Variants in RGS7 observed in about 807,000 individuals in gnomAD.
The protein encoded by RGS7 is regulator of G protein signaling 7.
Under a neutral mutation model 81.1 loss-of-function variants are expected in RGS7, and 27 were observed. The observed-to-expected ratio is 0.33, with a 90% CI of 0.25 to 0.46. The LOEUF (loss-of-function observed/expected upper bound fraction) is 0.46. RGS7 is among the 20% of genes least tolerant of loss of function. The pLI, the probability that RGS7 is intolerant of heterozygous loss-of-function variation, is 1.00. For missense variants in RGS7, 396 were observed against 607.4 expected, an observed-to-expected ratio of 0.65 and a Z score of 3.66; for synonymous variants, 208 against 207.7, an observed-to-expected ratio of 1.00 and a Z score of -0.01.
intron 2 of RGS7, among the ~76,000 whole-genome samples, chr1:241,204,378 G>T (rs2073735327): frequency 1.3e-5 from 2 of 152,186 alleles, no homozygotes; most frequent in Non-Finnish European, 2.9e-5. Context: ...GCTGCAGGGG[G>T]TGGATAGATA....
intron 9 of RGS7, among the ~76,000 whole-genome samples, chr1:240,852,064 C>A (rs959736898): frequency 1.3e-5 from 2 of 152,076 alleles, no homozygotes; most frequent in Admixed American, 6.5e-5. Flanking sequence ...AGTTCTACTG[C>A]GGGTAAAATG....
chr1:240,840,261 G>A (rs1472676574), intron 9 of RGS7, among the ~76,000 whole-genome samples: 4 of 151,822 alleles, frequency 2.6e-5, no homozygotes, highest in Admixed American at 2.0e-4. Context: ...GCTCTACGAG[G>A]TGTTACACTT....
chr1:241,190,036 G>C (rs2072500334), intron 2 of RGS7, among the ~76,000 whole-genome samples: 1 of 152,040 alleles, frequency 6.6e-6, no homozygotes, highest in South Asian at 2.1e-4. Flanking sequence ...CTGGGAGGCG[G>C]AGCTTGCAGT....
At chr1:241,079,477 G>T (rs1434323757) in intron 3 of RGS7, among the ~76,000 whole-genome samples, 2 of 152,116 alleles carry the variant, frequency 1.3e-5, no homozygotes, top group African/African-American at 4.8e-5. Flanking sequence ...CTAGGAAAAT[G>T]CAAGAAAAGG....
chr1:241,066,410 A>G (rs541242268), intron 3 of RGS7, among the ~76,000 whole-genome samples: 33 of 152,336 alleles, frequency 2.2e-4, no homozygotes, highest in African/African-American at 7.7e-4. Flanking sequence ...ACAAATAAAG[A>G]AACTATAGTC....
chr1:241,147,780 TTA>T (rs200770896), intron 2 of RGS7, among the ~76,000 whole-genome samples: 1,262 of 44,582 alleles, frequency 0.028, 24 homozygotes, highest in Middle Eastern at 0.11. Context: ...AGATTAAGTT[TTA>T]TATATATATA....
At chr1:241,149,789 A>G (rs1334238333) in intron 2 of RGS7, among the ~76,000 whole-genome samples, 1 of 151,682 alleles carries the variant, frequency 6.6e-6, no homozygotes. Flanking sequence ...TTATTTTTAT[A>G]TTTTGAGATG....
At chr1:241,110,463 C>T (rs2102947697) in intron 2 of RGS7, among the ~76,000 whole-genome samples, 1 of 152,080 alleles carries the variant, frequency 6.6e-6, no homozygotes, top group Non-Finnish European at 1.5e-5. Context: ...AATAAATGAA[C>T]AATGATATTT....
intron 2 of RGS7, among the ~76,000 whole-genome samples, chr1:241,140,129 C>T (rs1018957520): frequency 3.9e-5 from 6 of 152,300 alleles, no homozygotes; most frequent in Non-Finnish European, 5.9e-5. Flanking sequence ...TGTCTGGCTT[C>T]GGATGGAGAC....
At chr1:241,041,184 T>C (rs1434504318) in intron 3 of RGS7, among the ~76,000 whole-genome samples, 3 of 152,222 alleles carry the variant, frequency 2.0e-5, no homozygotes, top group Non-Finnish European at 2.9e-5. Flanking sequence ...GAGATATTGA[T>C]AAGCGGCTTA....
At chr1:241,345,888 C>T (rs530507034) in intron 2 of RGS7, among the ~76,000 whole-genome samples, 16 of 147,738 alleles carry the variant, frequency 1.1e-4, no homozygotes, top group African/African-American at 3.5e-4. Flanking sequence ...TGGTGGTGCG[C>T]GCCTGTAACC....
At chr1:241,024,137 G>A (rs150469709) in intron 3 of RGS7, among the ~76,000 whole-genome samples, 1 of 152,324 alleles carries the variant, frequency 6.6e-6, no homozygotes, top group East Asian at 1.9e-4. Context: ...TGTAACCCAG[G>A]CCACCTAGCT....
At chr1:241,226,809 T>C (rs2075335405) in intron 2 of RGS7, among the ~76,000 whole-genome samples, 1 of 152,238 alleles carries the variant, frequency 6.6e-6, no homozygotes. Flanking sequence ...ATTCTTTATG[T>C]TATCAAATTA....
At chr1:241,327,470 G>T (rs2081670989) in intron 2 of RGS7, among the ~76,000 whole-genome samples, 1 of 152,174 alleles carries the variant, frequency 6.6e-6, no homozygotes, top group South Asian at 2.1e-4. Context: ...AAAGCCAACA[G>T]CATAAGTTTT....
intron 3 of RGS7, among the ~76,000 whole-genome samples, chr1:240,996,204 C>A (rs1687262401): frequency 6.6e-6 from 1 of 151,962 alleles, no homozygotes; most frequent in Non-Finnish European, 1.5e-5. Flanking sequence ...TGTTTAATGG[C>A]CCAAAATATG....
At chr1:240,996,527 T>G (rs1298142838) in intron 3 of RGS7, among the ~76,000 whole-genome samples, 1 of 152,192 alleles carries the variant, frequency 6.6e-6, no homozygotes, top group African/African-American at 2.4e-5. Flanking sequence ...CTTGGAAAAA[T>G]GAGCTCCTCA....
At chr1:241,133,172 T>G (rs574071253) in intron 2 of RGS7, among the ~76,000 whole-genome samples, 1 of 152,292 alleles carries the variant, frequency 6.6e-6, no homozygotes, top group Non-Finnish European at 1.5e-5. Context: ...GAAATGCTTT[T>G]TATTTACATT....
chr1:240,817,213 G>A (rs1386843739), intron 10 of RGS7, among the ~76,000 whole-genome samples: 1 of 152,138 alleles, frequency 6.6e-6, no homozygotes, highest in Non-Finnish European at 1.5e-5. Flanking sequence ...CAAGGAAGAA[G>A]CCAAATTATT....
chr1:241,296,849 G>C (rs1212247477), intron 2 of RGS7, among the ~76,000 whole-genome samples: 1 of 152,178 alleles, frequency 6.6e-6, no homozygotes, highest in African/African-American at 2.4e-5. Flanking sequence ...AAGGTAGCAG[G>C]CAGGAGACAC....
Sources: allele counts gnomAD v4.1 joint callset (sites outside exome capture counted in the v4.1 genomes callset), GRCh38; gene constraint gnomAD v4.1.1; transcripts MANE v1.5; gene names NCBI Gene and HGNC (gene_info 2026-07-23, HGNC 2026-07-21).